PHF24: variants seen among roughly 807,000 people sequenced by gnomAD.
The protein encoded by PHF24 is PHD finger protein 24.
PHF24 carries 25 observed loss-of-function variants against 42.6 expected under a neutral mutation model. The observed-to-expected ratio is 0.59, with a 90% CI of 0.43 to 0.82. The LOEUF is 0.82. PHF24 is among the 40% of genes least tolerant of loss of function. PHF24 has a pLI of 0.00. For missense variants in PHF24, 470 were observed against 538.1 expected (o/e 0.87, Z 1.25); for synonymous variants, 185 against 204.8 (o/e 0.90, Z 0.83).
At chr9:34,805,944 C>T in the PHF24 span, among the ~76,000 whole-genome samples, 2 of 152,166 alleles carry the variant, frequency 1.3e-5, no homozygotes, top group Non-Finnish European at 2.9e-5. Flanking sequence ...GTTGGCCCAG[C>T]ATTGTTTGTT....
chr9:34,744,011 T>TAA, the PHF24 span, among the ~76,000 whole-genome samples: 3 of 152,230 alleles, frequency 2.0e-5, no homozygotes, highest in Non-Finnish European at 4.4e-5. Context: ...GCTCCTGTGA[T>TAA]AACGGCATTA....
chr9:34,885,749 C>G, the PHF24 span, among the ~76,000 whole-genome samples: 1 of 152,106 alleles, frequency 6.6e-6, no homozygotes. Context: ...AGAGCTTTCT[C>G]TGTGATCTCT....
the PHF24 span, among the ~76,000 whole-genome samples, chr9:34,840,475 C>G: frequency 1.3e-5 from 2 of 151,524 alleles, no homozygotes; most frequent in East Asian, 3.9e-4. Flanking sequence ...TCTTCTCCTC[C>G]TCCTCCTTCT....
chr9:34,787,126 A>T, the PHF24 span, among the ~76,000 whole-genome samples: 1 of 152,298 alleles, frequency 6.6e-6, no homozygotes, highest in Admixed American at 6.5e-5. Flanking sequence ...TTTTCAAAAA[A>T]TCAGGGACAT....
the PHF24 span, chr9:34,918,198 C>A: frequency 1.4e-6 from 2 of 1,460,734 alleles, no homozygotes; most frequent in Non-Finnish European, 1.9e-6. Flanking sequence ...AGACCATCAC[C>A]CCTCTGCCAA....
At chr9:34,952,281 G>A in the PHF24 span, among the ~76,000 whole-genome samples, 28,526 of 152,058 alleles carry the variant, frequency 0.19, 3,267 homozygotes, top group East Asian at 0.58. Flanking sequence ...TAGCTATTTG[G>A]ACAATTGGAA....
At chr9:34,862,952 T>G in the PHF24 span, among the ~76,000 whole-genome samples, 1 of 151,602 alleles carries the variant, frequency 6.6e-6, no homozygotes, top group African/African-American at 2.4e-5. Context: ...ACAGCATTCA[T>G]CACAAGCTGA....
the PHF24 span, among the ~76,000 whole-genome samples, chr9:34,875,562 G>A: frequency 6.6e-6 from 1 of 151,876 alleles, no homozygotes; most frequent in East Asian, 1.9e-4. Flanking sequence ...ATATACGGCA[G>A]GATCATTTCA....
chr9:34,853,823 G>A, the PHF24 span, among the ~76,000 whole-genome samples: 118 of 113,058 alleles, frequency 1.0e-3, no homozygotes, highest in Admixed American at 1.5e-3. Flanking sequence ...GCGAGACTCC[G>A]TCTCAAAAAA....
chr9:34,846,312 C>G, the PHF24 span, among the ~76,000 whole-genome samples: 1 of 152,022 alleles, frequency 6.6e-6, no homozygotes, highest in Non-Finnish European at 1.5e-5. Context: ...GAGATGGTAT[C>G]TCATTGTGGT....
upstream of PHF24, chr9:34,957,739 C>G (rs991914034): frequency 3.3e-5 from 5 of 152,260 alleles, no homozygotes; most frequent in Non-Finnish European, 5.9e-5. Context: ...CGGAGCCCTG[C>G]GGGGGACGGC....
the PHF24 span, among the ~76,000 whole-genome samples, chr9:34,813,621 G>C: frequency 6.6e-6 from 1 of 152,210 alleles, no homozygotes; most frequent in Non-Finnish European, 1.5e-5. Context: ...GTCAACTGGA[G>C]GTTACTCTCA....
At chr9:34,890,244 G>A in the PHF24 span, among the ~76,000 whole-genome samples, 1 of 152,200 alleles carries the variant, frequency 6.6e-6, no homozygotes, top group African/African-American at 2.4e-5. Flanking sequence ...CTCTCTGGCT[G>A]GGGAGAGCTC....
the PHF24 span, among the ~76,000 whole-genome samples, chr9:34,769,785 A>G: frequency 9.8e-5 from 15 of 152,334 alleles, no homozygotes; most frequent in African/African-American, 3.1e-4. Flanking sequence ...CGAGAGAGGT[A>G]GCATCTCAAA....
the PHF24 span, chr9:34,724,560 G>A: frequency 4.5e-6 from 7 of 1,544,180 alleles, no homozygotes; most frequent in East Asian, 1.5e-4. Context: ...TTTCTCAGGT[G>A]GAAGTTTAGT....
chr9:34,916,470 T>C, the PHF24 span, among the ~76,000 whole-genome samples: 1 of 152,124 alleles, frequency 6.6e-6, no homozygotes, highest in Non-Finnish European at 1.5e-5. Flanking sequence ...ACCCTAGATA[T>C]AAGGTGAGAG....
the PHF24 span, among the ~76,000 whole-genome samples, chr9:34,812,669 C>T: frequency 1.3e-5 from 2 of 152,196 alleles, no homozygotes; most frequent in Non-Finnish European, 2.9e-5. Context: ...AAGATTTGGT[C>T]TCCTCAGCCC....
At chr9:34,971,075 A>G (rs1014030304) in intron 1 of PHF24, among the ~76,000 whole-genome samples, 3 of 152,114 alleles carry the variant, frequency 2.0e-5, no homozygotes, top group Non-Finnish European at 4.4e-5. Flanking sequence ...ACATAGTAAG[A>G]CCTCATCTCT....
chr9:34,956,581 G>T (rs906024920), upstream of PHF24, among the ~76,000 whole-genome samples: 1 of 152,128 alleles, frequency 6.6e-6, no homozygotes, highest in Non-Finnish European at 1.5e-5. Context: ...ATGAAGGAAG[G>T]AATTAACCGA....
Sources: gnomAD v4.1 joint callset for allele counts (sites outside exome capture counted in the v4.1 genomes callset) on GRCh38, gnomAD v4.1.1 for gene constraint, MANE v1.5 for transcripts, NCBI Gene and HGNC (gene_info 2026-07-23, HGNC 2026-07-21) for gene names.